The following RAG1 variants were observed in gnomAD, a reference collection of about 807,000 sequenced individuals.
RAG1 encodes recombination activating 1.
Under a neutral mutation model 62.7 loss-of-function variants are expected in RAG1, and 35 were observed. That is an observed-to-expected ratio of 0.56 (90% confidence interval 0.43 to 0.74). The LOEUF (loss-of-function observed/expected upper bound fraction) is 0.74. Ranked by LOEUF, RAG1 falls within the 30% of genes least tolerant of loss-of-function variation. RAG1 has a pLI of 0.00. For missense variants in RAG1, 1,169 were observed against 1,278.6 expected (o/e 0.91, Z 1.31); for synonymous variants, 461 against 470.3 (o/e 0.98, Z 0.26).
chr11:36,514,338 T>C (rs1401445878), intron 1 of RAG1, among the ~76,000 whole-genome samples: 1 of 152,182 alleles, frequency 6.6e-6, no homozygotes, highest in African/African-American at 2.4e-5. Context: ...AGATAATTAA[T>C]AGAATGTGTT....
chr11:36,534,779 T>C (rs114416267), intron 2 of RAG1, among the ~76,000 whole-genome samples: 107 of 152,326 alleles, frequency 7.0e-4, no homozygotes, highest in Middle Eastern at 3.4e-3. Context: ...ATTTAATTTT[T>C]AAGCCTTTAA....
intron 2 of RAG1, among the ~76,000 whole-genome samples, chr11:36,528,406 C>T (rs371525593): frequency 7.9e-5 from 12 of 152,082 alleles, no homozygotes; most frequent in Admixed American, 2.0e-4. Context: ...GGGTACGTAA[C>T]GAAATGAAGG....
chr11:36,549,016 A>G (rs759714035), intron 3 of RAG1, among the ~76,000 whole-genome samples: 63 of 152,198 alleles, frequency 4.1e-4, no homozygotes, highest in Non-Finnish European at 1.2e-4. Context: ...AAAACAAGCA[A>G]TGGGGAAAGG....
chr11:36,558,662 A>G (rs1016311383), intron 3 of RAG1, among the ~76,000 whole-genome samples: 9 of 152,136 alleles, frequency 5.9e-5, no homozygotes, highest in African/African-American at 1.7e-4. Context: ...GTGTCTTTGT[A>G]GTTGAAGTGA....
intron 2 of RAG1, among the ~76,000 whole-genome samples, chr11:36,529,534 A>G (rs1202969565): frequency 6.6e-6 from 1 of 152,206 alleles, no homozygotes; most frequent in East Asian, 1.9e-4. Flanking sequence ...CACAGCCAAT[A>G]TCATACTGAA....
At chr11:36,551,660 G>T (rs1362845615) in intron 3 of RAG1, among the ~76,000 whole-genome samples, 8 of 142,412 alleles carry the variant, frequency 5.6e-5, no homozygotes, top group Admixed American at 2.1e-4. Context: ...ACATTGTGCA[G>T]GTTAGTTACA....
intron 3 of RAG1, among the ~76,000 whole-genome samples, chr11:36,562,907 T>A (rs1487902464): frequency 6.6e-6 from 1 of 152,078 alleles, no homozygotes; most frequent in South Asian, 2.1e-4. Flanking sequence ...GTGATCCAAT[T>A]CCCATAAGGC....
chr11:36,562,905 A>G (rs1012784588), intron 3 of RAG1, among the ~76,000 whole-genome samples: 1 of 152,026 alleles, frequency 6.6e-6, no homozygotes, highest in Admixed American at 6.5e-5. Context: ...GTGTGATCCA[A>G]TTCCCATAAG....
At chr11:36,531,186 A>G (rs1164914875) in intron 2 of RAG1, among the ~76,000 whole-genome samples, 2 of 151,854 alleles carry the variant, frequency 1.3e-5, no homozygotes, top group African/African-American at 4.8e-5. Context: ...TACATGAAAA[A>G]TTTCCCATTA....
chr11:36,541,105 A>G (rs1860409910), intron 3 of RAG1, among the ~76,000 whole-genome samples: 1 of 152,224 alleles, frequency 6.6e-6, no homozygotes, highest in African/African-American at 2.4e-5. Context: ...GTAGACAAAT[A>G]GCAGGTGAGG....
At chr11:36,522,047 G>A (rs1860087859) in intron 2 of RAG1, among the ~76,000 whole-genome samples, 1 of 151,976 alleles carries the variant, frequency 6.6e-6, no homozygotes, top group Admixed American at 6.6e-5. Flanking sequence ...TGGAAAATTT[G>A]CTGCCTGACA....
intron 1 of RAG1, among the ~76,000 whole-genome samples, chr11:36,518,411 G>A (rs955396146): frequency 6.6e-6 from 1 of 152,142 alleles, no homozygotes; most frequent in South Asian, 2.1e-4. Flanking sequence ...CTGAGGAATC[G>A]CCACACTGAC....
intron 2 of RAG1, among the ~76,000 whole-genome samples, chr11:36,535,299 TA>T (rs1564978806): frequency 6.6e-6 from 1 of 152,036 alleles, no homozygotes; most frequent in African/African-American, 2.4e-5. Flanking sequence ...TGGCATTTTT[TA>T]AAAATAGGAT....
intron 2 of RAG1, among the ~76,000 whole-genome samples, chr11:36,531,000 A>G (rs1341346991): frequency 6.6e-6 from 1 of 151,924 alleles, no homozygotes; most frequent in Admixed American, 6.6e-5. Flanking sequence ...TGTTTGATGC[A>G]TACACATTTG....
At chr11:36,534,160 AC>A (rs1215441800) in intron 2 of RAG1, among the ~76,000 whole-genome samples, 1 of 152,138 alleles carries the variant, frequency 6.6e-6, no homozygotes, top group African/African-American at 2.4e-5. Flanking sequence ...CAGACAGGCT[AC>A]TTCTTAAGCA....
At chr11:36,544,882 A>G (rs1262630246) in intron 3 of RAG1, among the ~76,000 whole-genome samples, 1 of 152,186 alleles carries the variant, frequency 6.6e-6, no homozygotes, top group African/African-American at 2.4e-5. Context: ...CTTTTCTGCA[A>G]CCATGCTTCC....
intron 3 of RAG1, among the ~76,000 whole-genome samples, chr11:36,545,956 CTGTT>C (rs779018908): frequency 6.6e-6 from 1 of 152,110 alleles, no homozygotes; most frequent in Non-Finnish European, 1.5e-5. Flanking sequence ...GTCTCAGAGA[CTGTT>C]TGTTGTGATT....
intron 2 of RAG1, among the ~76,000 whole-genome samples, chr11:36,521,031 C>G (rs1256225130): frequency 6.8e-6 from 1 of 147,314 alleles, no homozygotes; most frequent in African/African-American, 2.5e-5. Context: ...ATGATCTTGG[C>G]TCACTGCAAC....
In RAG1 at chr11:36,549,344, G is replaced by A. The variant is rs185499733; in HGVS notation, c.-412+13310G>A. Among the ~76,000 whole-genome samples, 531 of 152,084 alleles carry A rather than the reference G, an allele frequency of 3.5e-3. 29 individuals carry two copies. The East Asian group carries it at 0.09, about 26-fold the overall frequency. On this transcript the variant is annotated intron_variant and NMD_transcript_variant, in intron 3 of 9. Transcript: ENST00000534663. The stretch of plus-strand genomic sequence containing the variant: ...CATCAGAGTGAACAGGCAACCTATG[G>A]AATGGGAGAAAATGTTTGCAATCTA...
Sources: allele counts gnomAD v4.1 joint callset (sites outside exome capture counted in the v4.1 genomes callset), GRCh38; gene constraint gnomAD v4.1.1; transcripts MANE v1.5; gene names NCBI Gene and HGNC (gene_info 2026-07-23, HGNC 2026-07-21).